Variants in PEX5 observed in about 807,000 individuals in gnomAD.
PEX5 encodes the protein PTS1 receptor.
PEX5 carries 52 observed loss-of-function variants against 82.9 expected under a neutral mutation model. The observed-to-expected ratio is 0.63, with a 90% CI of 0.50 to 0.79. The LOEUF (loss-of-function observed/expected upper bound fraction) is 0.79, where lower values mean the gene tolerates loss of function less well. Ranked by LOEUF, PEX5 falls within the 30% of genes least tolerant of loss-of-function variation. The probability of loss-of-function intolerance (pLI) is 0.00; values close to 1 mark genes in which losing one functional copy is unlikely to be tolerated. For missense variants in PEX5, 719 were observed against 815.2 expected (o/e 0.88, Z 1.44); for synonymous variants, 300 against 318.8 (o/e 0.94, Z 0.63).
Position 7,190,957 on chromosome 12 carries a change from T to C in PEX5, c.183+34T>C, listed in dbSNP as rs771846128. ...ACCAGTCTCTTTTCTGTCCCATTTT[T>C]CTCTTGCCCACTGTGTTTTTACCTT... On this transcript the variant is annotated intron_variant, in intron 3 of 15. Coordinates refer to ENST00000675855, the MANE Select transcript of PEX5 (RefSeq NM_001351132.2). The C allele has an allele frequency of 1.9e-6, 3 of 1,597,204 alleles. No homozygotes were observed. In the Admixed American group the frequency reaches 5.0e-5, roughly 27 times the overall value.
At chr12:7,209,913 G>C in intron 15 of PEX5, 73 bp downstream of exon 15, 1 of 1,601,714 alleles carries the variant, frequency 6.2e-7, no homozygotes, top group Non-Finnish European at 8.5e-7. Context: ...CTTATTCTTA[G>C]ATCCTGTTTG....
chr12:7,207,583 C>A, intron 10 of PEX5, 76 bp from the exon 11 acceptor site: 2 of 1,470,278 alleles, frequency 1.4e-6, no homozygotes, highest in Non-Finnish European at 9.5e-7. Flanking sequence ...TCTCTGCCTG[C>A]TGGTTGTCAT....
chr12:7,208,296 TC>T (rs1945072177), intron 12 of PEX5, among the ~76,000 whole-genome samples, 160 bp from the exon 13 acceptor site: 1 of 152,182 alleles, frequency 6.6e-6, no homozygotes, highest in African/African-American at 2.4e-5. Flanking sequence ...GCTAAAACCT[TC>T]CCCTTAGATC....
rs1940959706 is a variant in PEX5 at position 7,190,884 on chromosome 12, T to A, written c.148-4T>A. On this transcript the variant is annotated splice_region_variant and splice_polypyrimidine_tract_variant and intron_variant, in intron 2 of 15. Coordinates refer to ENST00000675855, the MANE Select transcript of PEX5 (RefSeq NM_001351132.2). The stretch of plus-strand genomic sequence containing the variant: ...CATTGTACATCTCTGTCTTTCTCTC[T>A]TAGGCCTCCAAGCCTTTGGGAGTAG... The A allele has an allele frequency of 6.2e-7, 1 of 1,613,188 alleles. No homozygotes were observed. The highest frequency in any genetic ancestry group is 8.5e-7 in the Non-Finnish European group (1 of 1,179,084).
chr12:7,196,415 T>G (rs1233818583), intron 5 of PEX5, among the ~76,000 whole-genome samples: 1 of 139,604 alleles, frequency 7.2e-6, no homozygotes, highest in African/African-American at 2.6e-5. Context: ...TCATATATAA[T>G]GTAATAATTA....
At chr12:7,190,970 G>A in intron 3 of PEX5, 47 bp downstream of exon 3, 1 of 1,563,096 alleles carries the variant, frequency 6.4e-7, no homozygotes, top group Non-Finnish European at 8.8e-7. Context: ...CTTGCCCACT[G>A]TGTTTTTACC....
intron 10 of PEX5, among the ~76,000 whole-genome samples, chr12:7,205,696 A>G (rs537561832): frequency 6.6e-6 from 1 of 152,314 alleles, no homozygotes; most frequent in Middle Eastern, 3.4e-3. Context: ...TTTTTCCATC[A>G]TCTATGCAAA....
Position 7,207,684 on chromosome 12 carries a change from C to T in PEX5, c.992C>T (p.Pro331Leu). 1 of 1,614,106 alleles carries T rather than the reference C, an allele frequency of 6.2e-7. No individual in the cohort carries two copies. Among genetic ancestry groups the T allele is most frequent in the Non-Finnish European group, 8.5e-7 (1 of 1,180,008 alleles). ...GGGTACCAGTTTGAGGAGGAGAACC[C>T]CTTGCGTGATCACCCTCAGCCTTTT... is the stretch of plus-strand genomic sequence containing the variant. ...DKGYQFEEEN[P>L]LRDHPQPFEE... Residue 331 changes from proline (P) to leucine (L), a missense_variant, in exon 11 of 16, where the codon CCC becomes CTC. Transcript: ENST00000675855.
Position 7,207,650 on chromosome 12 carries a change from T to A in PEX5, c.967-9T>A. ...CTCTCAGTCCATCTCTCACGTGCTT[T>A]TCTTGTAGGGGTACCAGTTTGAGGA... is the stretch of plus-strand genomic sequence containing the variant. On this transcript the variant is annotated splice_polypyrimidine_tract_variant and intron_variant, in intron 10 of 15. Coordinates refer to ENST00000675855, the MANE Select transcript of PEX5 (RefSeq NM_001351132.2). The A allele has an allele frequency of 6.2e-7, 1 of 1,614,098 alleles. No individual in the cohort carries two copies. The highest frequency in any genetic ancestry group is 1.3e-5 in the African/African-American group (1 of 75,040).
Position 7,207,816 on chromosome 12 carries a change from T to C in PEX5, c.1110+14T>C, listed in dbSNP as rs1488717213. On this transcript the variant is annotated intron_variant, in intron 11 of 15. Coordinates refer to ENST00000675855, the MANE Select transcript of PEX5 (RefSeq NM_001351132.2). ...AAGCACATGGAAGTGAGTGACTCCA[T>C]AGTCTCATTTCTGGCTAGAGACTGC... 3 of 1,613,702 alleles carry C rather than the reference T, an allele frequency of 1.9e-6. No individual in the cohort carries two copies. Among genetic ancestry groups the C allele is most frequent in the South Asian group, 2.2e-5 (2 of 91,078 alleles).
At chr12:7,209,207 G>T in intron 14 of PEX5, 37 bp downstream of exon 14, 1 of 1,601,622 alleles carries the variant, frequency 6.2e-7, no homozygotes, top group South Asian at 1.1e-5. Context: ...GGACATGACT[G>T]TGTACCTTAT....
chr12:7,199,629 C>T (rs1363378024), intron 6 of PEX5, among the ~76,000 whole-genome samples: 3 of 151,378 alleles, frequency 2.0e-5, no homozygotes, highest in African/African-American at 4.8e-5. Flanking sequence ...CAGCAACCAT[C>T]GGATTTCTCA....
intron 5 of PEX5, 61 bp from the exon 6 acceptor site, chr12:7,198,950 C>G (rs541526839): frequency 8.5e-6 from 8 of 943,372 alleles, no homozygotes; most frequent in East Asian, 5.3e-5. Flanking sequence ...ATCTCTTTCC[C>G]TTTCCTTGAT....
At chr12:7,203,664 A>G (rs1305678316) in intron 10 of PEX5, 113 bp downstream of exon 10, 3 of 1,041,598 alleles carry the variant, frequency 2.9e-6, no homozygotes, top group Non-Finnish European at 4.3e-6. Flanking sequence ...GTCCCTTTCC[A>G]CGAAAAGAAG....
Position 7,198,458 on chromosome 12 carries a change from A to G in PEX5, c.449-553A>G, listed in dbSNP as rs191768007. Among the ~76,000 whole-genome samples the G allele has an allele frequency of 2.2e-3, 336 of 152,332 alleles. 1 individual carries two copies. Among genetic ancestry groups the G allele is most frequent in the Admixed American group, 5.6e-3 (85 of 15,306 alleles). On this transcript the variant is annotated intron_variant, in intron 5 of 15. Transcript: ENST00000675855. Reference sequence around the variant, plus strand: ...AAATGAAAAAACCCACCAAACATCCATAGGGAAGAGCAGACCTATGTGTCT... The same window carrying G: ...AAATGAAAAAACCCACCAAACATCCGTAGGGAAGAGCAGACCTATGTGTCT...
At chr12:7,201,869 C>T (rs1212523267) in intron 7 of PEX5, 28 bp downstream of exon 7, 3 of 1,512,160 alleles carry the variant, frequency 2.0e-6, no homozygotes, top group Non-Finnish European at 2.8e-6. Context: ...GCTGCTTTGC[C>T]CAGCAGAGCT....
At chr12:7,216,551 T>C (rs1945786236) in intron 17 of PEX5, among the ~76,000 whole-genome samples, 1 of 149,730 alleles carries the variant, frequency 6.7e-6, no homozygotes, top group Non-Finnish European at 1.5e-5. Flanking sequence ...ATTATCATAT[T>C]TATTTTACGA....
chr12:7,201,096 C>G (rs1366312818), intron 6 of PEX5, among the ~76,000 whole-genome samples: 1 of 151,668 alleles, frequency 6.6e-6, no homozygotes, highest in African/African-American at 2.4e-5. Flanking sequence ...ACAGTAAGAC[C>G]TTGTCTTTAA....
Position 7,209,768 on chromosome 12 carries a change from T to A in PEX5, c.1646T>A (p.Leu549His). Residue 549 changes from leucine (L) to histidine (H), a missense_variant, in exon 15 of 16, where the codon CTC becomes CAC. Coordinates refer to ENST00000675855, the MANE Select transcript of PEX5 (RefSeq NM_001351132.2). Reference protein sequence around the residue: ...EEAVAAYRRALELQPGYIRSR... With the variant: ...EEAVAAYRRAHELQPGYIRSR... Reference sequence around the variant, plus strand: ...GCAGTAGCTGCGTACCGCCGGGCCCTCGAGCTCCAGCCTGGCTATATCCGG... The same window carrying A: ...GCAGTAGCTGCGTACCGCCGGGCCCACGAGCTCCAGCCTGGCTATATCCGG... 6.2e-7 allele frequency: 1 copy of A among 1,613,930 alleles called. No individual in the cohort carries two copies. The highest frequency in any genetic ancestry group is 8.5e-7 in the Non-Finnish European group (1 of 1,179,950).
Sources: allele counts gnomAD v4.1 joint callset (sites outside exome capture counted in the v4.1 genomes callset), GRCh38; gene constraint gnomAD v4.1.1; transcripts MANE v1.5; gene names NCBI Gene and HGNC (gene_info 2026-07-23, HGNC 2026-07-21).